CACNB2: variants seen among roughly 807,000 people sequenced by gnomAD.
The protein encoded by CACNB2 is voltage-dependent L-type calcium channel subunit beta-2.
Under a neutral mutation model 73.3 loss-of-function variants are expected in CACNB2, and 42 were observed. The observed-to-expected ratio is 0.57, with a 90% confidence interval of 0.45 to 0.74. The LOEUF is 0.74. CACNB2 is among the 30% of genes least tolerant of loss of function. The pLI is 0.00. For synonymous variants in CACNB2, 348 were observed against 310.3 expected (o/e 1.12, Z -1.28); for missense variants, 940 against 853.0 (o/e 1.10, Z -1.27).
intron 3 of CACNB2, among the ~76,000 whole-genome samples, chr10:18,407,545 G>C (rs1234543726): frequency 6.6e-6 from 1 of 151,832 alleles, no homozygotes; most frequent in Non-Finnish European, 1.5e-5. Flanking sequence ...TTTGTTTATT[G>C]TACTTGGCTT....
At chr10:18,145,996 A>C (rs2030932489) in intron 1 of CACNB2, among the ~76,000 whole-genome samples, 1 of 149,038 alleles carries the variant, frequency 6.7e-6, no homozygotes, top group Non-Finnish European at 1.5e-5. Context: ...CTAGACACCC[A>C]CCCCCATCCC....
At position 18,291,110 on chromosome 10, in the gene CACNB2, A is replaced by C. The variant is rs376469193; in HGVS notation, c.214-110814A>C. On this transcript the variant is annotated intron_variant, in intron 2 of 13. Transcript: ENST00000324631. The stretch of plus-strand genomic sequence containing the variant: ...GGAACTGCAGGGAGAGCGATAACCT[A>C]CGTCGTGAGGCTGCGCAGAAGGTAC... 5.9e-5 allele frequency among the ~76,000 whole-genome samples: 9 copies of C among 152,296 alleles called. No homozygotes were observed. The South Asian group carries it at 1.9e-3, about 32-fold the overall frequency.
intron 2 of CACNB2, among the ~76,000 whole-genome samples, chr10:18,362,346 C>T (rs113034425): frequency 0.033 from 5,041 of 152,264 alleles, 124 homozygotes; most frequent in African/African-American, 0.06. Flanking sequence ...TAAAGATCCT[C>T]TCTTCAAAAT....
chr10:18,241,167 T>C (rs954027403), intron 2 of CACNB2, among the ~76,000 whole-genome samples: 10 of 152,150 alleles, frequency 6.6e-5, no homozygotes, highest in African/African-American at 2.4e-4. Flanking sequence ...GTCTTGTGTC[T>C]CCCTAAAATG....
intron 2 of CACNB2, among the ~76,000 whole-genome samples, chr10:18,263,215 AT>A (rs1222531644): frequency 1.3e-5 from 2 of 152,040 alleles, no homozygotes; most frequent in African/African-American, 4.8e-5. Context: ...ATCGAAACCT[AT>A]TTTTTTCCTT....
intron 3 of CACNB2, among the ~76,000 whole-genome samples, chr10:18,439,312 T>G (rs2046302325): frequency 6.6e-6 from 1 of 152,214 alleles, no homozygotes; most frequent in Non-Finnish European, 1.5e-5. Flanking sequence ...CTCATCTCCA[T>G]GCCAACTCAC....
chr10:18,427,393 G>A (rs2132785729), intron 3 of CACNB2, among the ~76,000 whole-genome samples: 1 of 152,144 alleles, frequency 6.6e-6, no homozygotes, highest in Non-Finnish European at 1.5e-5. Flanking sequence ...GGGGGAGGGT[G>A]GGGGACTTAC....
chr10:18,320,475 G>C (rs2040361121), intron 2 of CACNB2, among the ~76,000 whole-genome samples: 1 of 152,264 alleles, frequency 6.6e-6, no homozygotes, highest in Non-Finnish European at 1.5e-5. Context: ...TTAAAACATA[G>C]CTTAGAATTA....
At chr10:18,407,067 GT>G (rs2044327156) in intron 3 of CACNB2, among the ~76,000 whole-genome samples, 1 of 142,150 alleles carries the variant, frequency 7.0e-6, no homozygotes, top group Non-Finnish European at 1.5e-5. Context: ...ATTTGTGAAG[GT>G]TTACTTCATG....
intron 1 of CACNB2, 183 bp downstream of exon 1, chr10:18,141,039 T>G: frequency 1.3e-6 from 2 of 1,544,094 alleles, no homozygotes; most frequent in Non-Finnish European, 1.7e-6. Flanking sequence ...TTTTCCTGGC[T>G]CTGCCTCGGC....
chr10:18,444,318 G>A (rs1363851629), intron 3 of CACNB2, among the ~76,000 whole-genome samples: 1 of 152,168 alleles, frequency 6.6e-6, no homozygotes, highest in East Asian at 1.9e-4. Context: ...ACAGTCGAGT[G>A]CAAAGAGCCA....
chr10:18,275,798 C>A (rs370483087), intron 2 of CACNB2, among the ~76,000 whole-genome samples: 17 of 152,092 alleles, frequency 1.1e-4, no homozygotes, highest in Admixed American at 7.2e-4. Flanking sequence ...TAGAATAACA[C>A]AATCAATGTT....
chr10:18,518,132 G>C (rs2051463465), intron 7 of CACNB2, among the ~76,000 whole-genome samples: 1 of 152,168 alleles, frequency 6.6e-6, no homozygotes, highest in South Asian at 2.1e-4. Context: ...CAAGAAGACT[G>C]TAGACAACAG....
At chr10:18,274,795 A>C (rs2038207834) in intron 2 of CACNB2, among the ~76,000 whole-genome samples, 1 of 149,714 alleles carries the variant, frequency 6.7e-6, no homozygotes, top group African/African-American at 2.4e-5. Flanking sequence ...TCTATGGACC[A>C]AAAAAACACT....
chr10:18,356,942 C>CTTTTTTTTTTTTTAT (rs2041936411), intron 2 of CACNB2, among the ~76,000 whole-genome samples: 1 of 101,104 alleles, frequency 9.9e-6, no homozygotes, highest in Non-Finnish European at 2.0e-5. Context: ...GACTCAATTT[C>CTTTTTTTTTTTTTAT]TTTTTTTTTT....
chr10:18,408,633 C>A (rs1171593230), intron 3 of CACNB2, among the ~76,000 whole-genome samples: 1 of 152,092 alleles, frequency 6.6e-6, no homozygotes, highest in East Asian at 1.9e-4. Flanking sequence ...AAACACAAGC[C>A]TAAAACCAAG....
At chr10:18,520,353 T>G (rs920786449) in intron 9 of CACNB2, among the ~76,000 whole-genome samples, 4 of 151,608 alleles carry the variant, frequency 2.6e-5, no homozygotes, top group Admixed American at 6.6e-5. Flanking sequence ...CAAATGCTGT[T>G]GTCTTTATCT....
rs1476127932 is a variant in CACNB2 at position 18,353,946 on chromosome 10, G to C, written c.214-47978G>C. On this transcript the variant is annotated intron_variant, in intron 2 of 13. Coordinates refer to ENST00000324631, the MANE Select transcript of CACNB2 (RefSeq NM_201596.3). ...AGCCATTGGGCAAACTCATATTCTG[G>C]TGAATATTTGAAAAAGCTTGGCACT... 5.9e-5 allele frequency among the ~76,000 whole-genome samples: 9 copies of C among 152,148 alleles called. No individual in the cohort carries two copies. The East Asian group carries it at 1.7e-3, about 29-fold the overall frequency.
intron 2 of CACNB2, among the ~76,000 whole-genome samples, chr10:18,316,219 G>A (rs2040177335): frequency 6.6e-6 from 1 of 151,976 alleles, no homozygotes; most frequent in Non-Finnish European, 1.5e-5. Context: ...CTATTTCCCA[G>A]GTGTTTTAAA....
Sources: allele counts gnomAD v4.1 joint callset (sites outside exome capture counted in the v4.1 genomes callset), GRCh38; gene constraint gnomAD v4.1.1; transcripts MANE v1.5; gene names NCBI Gene and HGNC (gene_info 2026-07-23, HGNC 2026-07-21).